The following OSBP2 variants were observed in gnomAD, a reference collection of about 807,000 sequenced individuals.
OSBP2 encodes oxysterol-binding protein 2.
OSBP2 carries 66 observed loss-of-function variants against 96.0 expected under a neutral mutation model. The observed-to-expected ratio is 0.69, with a 90% confidence interval of 0.56 to 0.84. The LOEUF (loss-of-function observed/expected upper bound fraction) is 0.84, where lower values mean the gene tolerates loss of function less well. Ranked by LOEUF, OSBP2 falls within the 40% of genes least tolerant of loss-of-function variation. The probability of loss-of-function intolerance (pLI) is 0.00; values close to 1 mark genes in which losing one functional copy is unlikely to be tolerated. For synonymous variants in OSBP2, 525 were observed against 520.9 expected, an observed-to-expected ratio of 1.01 and a Z score of -0.11; for missense variants, 1,038 against 1,222.7, an observed-to-expected ratio of 0.85 and a Z score of 2.25.
chr22:30,905,758 C>T, intron 12 of OSBP2, 79 bp from the exon 13 acceptor site: 1 of 1,573,290 alleles, frequency 6.4e-7, no homozygotes, highest in Non-Finnish European at 8.6e-7. Context: ...GGAGACACCG[C>T]CAGGCAGGGG....
chr22:30,863,900 C>T (rs776832884), intron 2 of OSBP2, among the ~76,000 whole-genome samples: 3 of 152,016 alleles, frequency 2.0e-5, no homozygotes, highest in Non-Finnish European at 2.9e-5. Flanking sequence ...AGGGCCCTGC[C>T]TGGTCTGTGG....
At chr22:30,778,903 G>A (rs2145803621) in intron 2 of OSBP2, among the ~76,000 whole-genome samples, 1 of 151,500 alleles carries the variant, frequency 6.6e-6, no homozygotes, top group South Asian at 2.1e-4. Flanking sequence ...AGATATGTTG[G>A]CAGGCACCTG....
At chr22:30,694,522 G>A (rs1483855490), upstream of OSBP2, among the ~76,000 whole-genome samples, 2 of 152,162 alleles carry the variant, frequency 1.3e-5, no homozygotes, top group East Asian at 3.9e-4. Context: ...GGGTCCCGTG[G>A]GCAGAGCTGC....
intron 1 of OSBP2, among the ~76,000 whole-genome samples, chr22:30,730,051 C>T (rs1284580255): frequency 1.3e-5 from 2 of 152,014 alleles, no homozygotes; most frequent in African/African-American, 4.8e-5. Flanking sequence ...CAACCTCTGC[C>T]TCCCAGGTTC....
chr22:30,843,879 T>C lies in OSBP2; in HGVS notation c.854-26550T>C, dbSNP rs895060616. 5.6e-4 allele frequency among the ~76,000 whole-genome samples: 85 copies of C among 151,548 alleles called. 1 individual carries two copies. Among genetic ancestry groups the C allele is most frequent in the Non-Finnish European group, 9.6e-4 (65 of 67,864 alleles). ...TGAGACCCTGTCTCAAACAATTTTT[T>C]TTTTTTTTTTTTGAGACAAGATCTT... is the stretch of plus-strand genomic sequence containing the variant. On this transcript the variant is annotated intron_variant, in intron 2 of 13. Transcript: ENST00000332585.
rs183180076 is a variant in OSBP2, at chr22:30,850,746, G to A, written c.854-19683G>A. ...ACTCCTGACCTCAAGTGATCCACCC[G>A]CCTGGGCCTCCCAAAATGCTGGGAT... On this transcript the variant is annotated intron_variant, in intron 2 of 13. Transcript: ENST00000332585. Among the ~76,000 whole-genome samples the A allele has an allele frequency of 4.5e-3, 678 of 152,218 alleles. 3 individuals are homozygous for A. Among genetic ancestry groups the A allele is most frequent in the Non-Finnish European group, 6.9e-3 (472 of 68,008 alleles).
chr22:30,699,109 T>C (rs114196225), intron 1 of OSBP2, among the ~76,000 whole-genome samples: 2,131 of 152,094 alleles, frequency 0.014, 44 homozygotes, highest in African/African-American at 0.048. Flanking sequence ...GCCCAGCTAA[T>C]TTTTTGTGTG....
At chr22:30,865,631 CAAAAAAA>C (rs398040482) in intron 2 of OSBP2, among the ~76,000 whole-genome samples, 12,341 of 59,804 alleles carry the variant, frequency 0.21, 860 homozygotes, top group East Asian at 0.44. Flanking sequence ...GACTCCATCT[CAAAAAAA>C]AAAAAAAAAA....
At position 30,846,766 on chromosome 22, in the gene OSBP2, A is replaced by G. The variant is rs536233572; in HGVS notation, c.854-23663A>G. On this transcript the variant is annotated intron_variant, in intron 2 of 13. Transcript: ENST00000332585. The stretch of plus-strand genomic sequence containing the variant: ...GGTTATCTTTTATTGATATTTCATC[A>G]TTGAACCAACATTCATTTCTGGAAG... Among the ~76,000 whole-genome samples the G allele has an allele frequency of 9.5e-4, 145 of 152,276 alleles. 3 individuals carry two copies. In the Middle Eastern group the frequency reaches 0.027, roughly 29 times the overall value.
intron 2 of OSBP2, among the ~76,000 whole-genome samples, chr22:30,858,573 TTACA>T (rs1262418982): frequency 6.6e-6 from 1 of 151,654 alleles, no homozygotes; most frequent in African/African-American, 2.4e-5. Context: ...ACACACTACC[TTACA>T]GTTTATAAAA....
At chr22:30,887,303 G>A (rs184547696) in intron 3 of OSBP2, 123 bp from the exon 4 acceptor site, 151 of 747,146 alleles carry the variant, frequency 2.0e-4, no homozygotes, top group Non-Finnish European at 2.7e-4. Flanking sequence ...ATGCAGCCCA[G>A]TAGGTTTCAG....
At position 30,881,926 on chromosome 22, in the gene OSBP2, A is replaced by G. The variant is rs1373910355; in HGVS notation, c.1108-5500A>G. 1.2e-6 allele frequency: 1 copy of G among 829,750 alleles called. No individual in the cohort carries two copies. The highest frequency in any genetic ancestry group is 6.4e-5 in the East Asian group (1 of 15,564). 51.4% of individuals were successfully genotyped at this position (829,750 alleles called of 1,614,324 possible). A position where few individuals can be genotyped will look rare whatever the true frequency, so the allele number is the denominator to read the frequency against. On this transcript the variant is annotated intron_variant, in intron 3 of 13. Coordinates refer to ENST00000332585, the MANE Select transcript of OSBP2 (RefSeq NM_030758.4). The surrounding 1 kb of genome is among the most constrained non-coding windows in gnomAD (Gnocchi z 4.5). ...CACATGAGGCCTTTGATATTAGGGCACAGCAGTTTTCACCCTGCCCCGCTT... is the reference window on the plus strand; with the variant it reads ...CACATGAGGCCTTTGATATTAGGGCGCAGCAGTTTTCACCCTGCCCCGCTT...
rs553784290 is a variant in OSBP2, at chr22:30,823,312, C to T, written c.854-47117C>T. On this transcript the variant is annotated intron_variant, in intron 2 of 13. Transcript: ENST00000332585. The stretch of plus-strand genomic sequence containing the variant: ...TTAGCTGTCTTAAATGGAAGACTTG[C>T]AAACTCTGTAAGCTCTTGCCTGCAA... 3.3e-5 allele frequency among the ~76,000 whole-genome samples: 5 copies of T among 152,366 alleles called. No individual in the cohort carries two copies. The South Asian group carries it at 1.0e-3, about 32-fold the overall frequency.
rs2040356314 is a variant in OSBP2 at position 30,907,495 on chromosome 22, G to C, written c.*1156G>C. 1 of 152,212 alleles carries C rather than the reference G, an allele frequency of 6.6e-6. No homozygotes were observed. Among genetic ancestry groups the C allele is most frequent in the African/African-American group, 2.4e-5 (1 of 41,384 alleles). 9.4% of individuals were successfully genotyped at this position (152,212 alleles called of 1,614,324 possible). On this transcript the variant is annotated 3_prime_UTR_variant, in exon 14 of 14. Coordinates refer to ENST00000332585, the MANE Select transcript of OSBP2 (RefSeq NM_030758.4). ...CCTTCCAGCGGCTTCTGCCAACCAT[G>C]GGGGGCTGGACCACCATGGCCACTG...
intron 2 of OSBP2, among the ~76,000 whole-genome samples, chr22:30,796,609 G>T (rs917154509): frequency 2.6e-5 from 4 of 152,024 alleles, no homozygotes; most frequent in African/African-American, 9.7e-5. Flanking sequence ...AGGTTCAAGA[G>T]ATTTTCATGT....
chr22:30,770,438 G>C (rs992097236), intron 2 of OSBP2: 1 of 152,306 alleles, frequency 6.6e-6, no homozygotes, highest in Non-Finnish European at 1.5e-5. Flanking sequence ...ATGTGGAACT[G>C]TGAGTCCATT....
At chr22:30,898,260 G>A (rs1285485018) in intron 12 of OSBP2, among the ~76,000 whole-genome samples, 1 of 152,082 alleles carries the variant, frequency 6.6e-6, no homozygotes, top group Non-Finnish European at 1.5e-5. Context: ...GACTGAGGTG[G>A]GAGGATCACT....
At chr22:30,717,120 G>GTGTGTGTGTGTGTGTGTC (rs2089475121) in intron 1 of OSBP2, among the ~76,000 whole-genome samples, 1 of 148,136 alleles carries the variant, frequency 6.8e-6, no homozygotes, top group Non-Finnish European at 1.5e-5. Flanking sequence ...GTGTGTGTGT[G>GTGTGTGTGTGTGTGTGTC]TGTGTGTGTG....
At chr22:30,855,077 CAT>C (rs752328854) in intron 2 of OSBP2, among the ~76,000 whole-genome samples, 3 of 152,154 alleles carry the variant, frequency 2.0e-5, no homozygotes, top group East Asian at 1.9e-4. Flanking sequence ...CCTCCCACGA[CAT>C]GTGGGGATTA....
Sources: allele counts gnomAD v4.1 joint callset (sites outside exome capture counted in the v4.1 genomes callset), GRCh38; gene constraint gnomAD v4.1.1; non-coding constraint Gnocchi (gnomAD v3.1); transcripts MANE v1.5; gene names NCBI Gene and HGNC (gene_info 2026-07-23, HGNC 2026-07-21).